FAM135B: variants seen among roughly 807,000 people sequenced by gnomAD.
The protein encoded by FAM135B is protein FAM135B.
A neutral mutation model predicts 127.7 loss-of-function variants in FAM135B; 43 were observed. The observed-to-expected ratio is 0.34, with a 90% CI of 0.26 to 0.43. The LOEUF is 0.43. Among genes scored for constraint, FAM135B ranks in the 20% least tolerant of loss-of-function variants. The pLI is 1.00. For synonymous variants in FAM135B, 670 were observed against 665.1 expected, an observed-to-expected ratio of 1.01 and a Z score of -0.11; for missense variants, 1,558 against 1,725.6, an observed-to-expected ratio of 0.90 and a Z score of 1.72.
chr8:138,352,510 C>A (rs1327375611), intron 2 of FAM135B, among the ~76,000 whole-genome samples: 2 of 152,166 alleles, frequency 1.3e-5, no homozygotes, highest in Non-Finnish European at 2.9e-5. Flanking sequence ...GCTGATGGAC[C>A]TTGGGTTCCT....
chr8:138,357,895 G>T (rs1587218492), intron 2 of FAM135B, among the ~76,000 whole-genome samples: 1 of 152,128 alleles, frequency 6.6e-6, no homozygotes, highest in Non-Finnish European at 1.5e-5. Flanking sequence ...TTATCCTATT[G>T]AAGCCGATAG....
chr8:138,256,646 G>C (rs1419781604), intron 5 of FAM135B, 43 bp downstream of exon 5: 1 of 1,518,220 alleles, frequency 6.6e-7, no homozygotes, highest in Admixed American at 1.7e-5. Context: ...GCGGGGAGGA[G>C]AGCACTGTGC....
At chr8:138,494,067 C>T (rs756065029) in intron 1 of FAM135B, among the ~76,000 whole-genome samples, 6 of 126,286 alleles carry the variant, frequency 4.8e-5, no homozygotes, top group Admixed American at 1.5e-4. Flanking sequence ...CACCAGATTT[C>T]AGTTATCCTA....
At chr8:138,134,702 A>T (rs1332963171) in intron 19 of FAM135B, among the ~76,000 whole-genome samples, 1 of 152,158 alleles carries the variant, frequency 6.6e-6, no homozygotes, top group East Asian at 1.9e-4. Flanking sequence ...AAAAAAAGTG[A>T]TAATCATGTA....
chr8:138,221,615 G>C (rs1191911774), intron 7 of FAM135B, among the ~76,000 whole-genome samples: 1 of 152,148 alleles, frequency 6.6e-6, no homozygotes, highest in African/African-American at 2.4e-5. Flanking sequence ...AGCTCACCCA[G>C]GACTGAGAAT....
chr8:138,419,702 C>G (rs1374867320), intron 1 of FAM135B, among the ~76,000 whole-genome samples: 1 of 152,138 alleles, frequency 6.6e-6, no homozygotes, highest in Non-Finnish European at 1.5e-5. Context: ...GAAGATATCT[C>G]AAAACCATGC....
chr8:138,281,739 A>G (rs1310837601), intron 3 of FAM135B, among the ~76,000 whole-genome samples: 1 of 151,898 alleles, frequency 6.6e-6, no homozygotes, highest in Non-Finnish European at 1.5e-5. Flanking sequence ...TTCTATCCCC[A>G]TTAGGGTGGT....
At chr8:138,329,471 C>T (rs981701596) in intron 2 of FAM135B, among the ~76,000 whole-genome samples, 4 of 152,222 alleles carry the variant, frequency 2.6e-5, no homozygotes, top group African/African-American at 7.2e-5. Context: ...ATTTCCTCAT[C>T]AATCAAATCT....
chr8:138,382,454 G>T (rs963950567), intron 1 of FAM135B, among the ~76,000 whole-genome samples: 2 of 152,054 alleles, frequency 1.3e-5, no homozygotes, highest in African/African-American at 2.4e-5. Flanking sequence ...ACAGGGATAT[G>T]GGGGGTTTGG....
At chr8:138,199,179 C>T (rs1216995825) in intron 7 of FAM135B, among the ~76,000 whole-genome samples, 8 of 152,186 alleles carry the variant, frequency 5.3e-5, no homozygotes, top group Non-Finnish European at 7.3e-5. Context: ...ACATCATCTG[C>T]ACTCCCAAGG....
intron 1 of FAM135B, among the ~76,000 whole-genome samples, chr8:138,485,777 T>C (rs1195310741): frequency 6.6e-6 from 1 of 151,764 alleles, no homozygotes; most frequent in Non-Finnish European, 1.5e-5. Context: ...ATAGGGGAGA[T>C]CACTGGGCCA....
At chr8:138,164,971 T>A (rs967920320) in intron 12 of FAM135B, among the ~76,000 whole-genome samples, 1 of 152,192 alleles carries the variant, frequency 6.6e-6, no homozygotes, top group Non-Finnish European at 1.5e-5. Context: ...TGCAACCATG[T>A]CTTGTTGCTG....
At chr8:138,326,045 T>C (rs1407775297) in intron 2 of FAM135B, among the ~76,000 whole-genome samples, 1 of 152,132 alleles carries the variant, frequency 6.6e-6, no homozygotes, top group Non-Finnish European at 1.5e-5. Flanking sequence ...AGTAGCTTAG[T>C]TGGAGTGACT....
At chr8:138,183,414 C>T (rs568664447) in intron 9 of FAM135B, among the ~76,000 whole-genome samples, 2 of 152,230 alleles carry the variant, frequency 1.3e-5, no homozygotes, top group South Asian at 4.1e-4. Flanking sequence ...TCTCATTAAC[C>T]CCTCTACATG....
chr8:138,278,870 G>A (rs1372734003), intron 3 of FAM135B, among the ~76,000 whole-genome samples: 2 of 152,104 alleles, frequency 1.3e-5, no homozygotes, highest in African/African-American at 4.8e-5. Context: ...CAAATGAGAT[G>A]ATACAAATCA....
intron 3 of FAM135B, among the ~76,000 whole-genome samples, chr8:138,308,381 TA>T (rs371475525): frequency 2.4e-4 from 36 of 152,288 alleles, no homozygotes; most frequent in African/African-American, 8.4e-4. Context: ...AAGCCATTGT[TA>T]AAAGTCACAA....
intron 18 of FAM135B, among the ~76,000 whole-genome samples, chr8:138,138,303 C>G (rs1003749344): frequency 6.6e-5 from 10 of 152,226 alleles, no homozygotes; most frequent in Non-Finnish European, 1.2e-4. Context: ...ACACCAGATT[C>G]ACAGGCACAG....
At chr8:138,173,996 A>G (rs1275922137) in intron 11 of FAM135B, among the ~76,000 whole-genome samples, 1 of 152,172 alleles carries the variant, frequency 6.6e-6, no homozygotes, top group African/African-American at 2.4e-5. Context: ...GTGGCGAAAG[A>G]TGGTCTTCAT....
intron 7 of FAM135B, among the ~76,000 whole-genome samples, chr8:138,220,756 T>G (rs890485501): frequency 6.6e-6 from 1 of 152,166 alleles, no homozygotes; most frequent in African/African-American, 2.4e-5. Context: ...ATATTGCCAG[T>G]GTAAATTTCA....
Sources: gnomAD v4.1 joint callset for allele counts (sites outside exome capture counted in the v4.1 genomes callset) on GRCh38, gnomAD v4.1.1 for gene constraint, MANE v1.5 for transcripts, NCBI Gene and HGNC (gene_info 2026-07-23, HGNC 2026-07-21) for gene names.